The following SRGAP1 variants were observed in gnomAD, a reference collection of about 807,000 sequenced individuals.
The protein encoded by SRGAP1 is SLIT-ROBO Rho GTPase-activating protein 1.
SRGAP1 carries 43 observed loss-of-function variants against 121.9 expected under a neutral mutation model. That is an observed-to-expected ratio of 0.35 (90% CI 0.28 to 0.46). The LOEUF is 0.46. Among genes scored for constraint, SRGAP1 ranks in the 20% least tolerant of loss-of-function variants. The pLI is 1.00. For missense variants in SRGAP1, 1,102 were observed against 1,350.9 expected, an observed-to-expected ratio of 0.82 and a Z score of 2.89; for synonymous variants, 447 against 485.4, an observed-to-expected ratio of 0.92 and a Z score of 1.04.
At chr12:63,939,991 T>G (rs1426410010) in intron 1 of SRGAP1, among the ~76,000 whole-genome samples, 1 of 151,804 alleles carries the variant, frequency 6.6e-6, no homozygotes, top group Admixed American at 6.6e-5. Flanking sequence ...ACAGAGTCTC[T>G]CTCTCTGTCG....
At chr12:64,110,092 C>T (rs1179850156) in intron 16 of SRGAP1, among the ~76,000 whole-genome samples, 3 of 152,156 alleles carry the variant, frequency 2.0e-5, no homozygotes, top group African/African-American at 7.2e-5. Context: ...TATGGTTAGG[C>T]TAGACACTAT....
intron 1 of SRGAP1, among the ~76,000 whole-genome samples, chr12:63,965,893 A>G (rs903245454): frequency 6.6e-5 from 10 of 152,146 alleles, no homozygotes; most frequent in Non-Finnish European, 2.9e-5. Context: ...ATCTCAGCTC[A>G]CTGCAACCTC....
At chr12:64,120,266 A>G (rs1490148470) in intron 18 of SRGAP1, among the ~76,000 whole-genome samples, 1 of 151,856 alleles carries the variant, frequency 6.6e-6, no homozygotes, top group Non-Finnish European at 1.5e-5. Context: ...GTGTTTGTAA[A>G]TTTTGTACAG....
At chr12:63,984,319 C>G (rs1292406064) in intron 2 of SRGAP1, among the ~76,000 whole-genome samples, 177 bp downstream of exon 2, 1 of 152,118 alleles carries the variant, frequency 6.6e-6, no homozygotes, top group Non-Finnish European at 1.5e-5. Flanking sequence ...TCATTTTAAA[C>G]TAGTGTAATC....
chr12:63,867,634 T>A (rs1291074003), intron 1 of SRGAP1, among the ~76,000 whole-genome samples: 1 of 152,174 alleles, frequency 6.6e-6, no homozygotes, highest in African/African-American at 2.4e-5. Context: ...GATTAATGAT[T>A]AAATGAGATC....
chr12:63,891,264 G>A (rs1296205637), intron 1 of SRGAP1, among the ~76,000 whole-genome samples: 2 of 152,224 alleles, frequency 1.3e-5, no homozygotes, highest in Non-Finnish European at 2.9e-5. Flanking sequence ...CTGACATGGA[G>A]CAGTGCTCTG....
At chr12:63,849,491 A>G (rs944336469) in intron 1 of SRGAP1, among the ~76,000 whole-genome samples, 88 of 152,346 alleles carry the variant, frequency 5.8e-4, no homozygotes, top group African/African-American at 2.1e-3. Context: ...ATAGCACCAT[A>G]TTTATCTACA....
At chr12:63,871,626 T>G in intron 1 of SRGAP1, 1 of 547,644 alleles carries the variant, frequency 1.8e-6, no homozygotes, top group Non-Finnish European at 3.2e-6. Flanking sequence ...GGTTGGGAGT[T>G]TTTCTTTTTT....
At chr12:64,123,366 G>A (rs1161972283) in intron 18 of SRGAP1, among the ~76,000 whole-genome samples, 1 of 152,084 alleles carries the variant, frequency 6.6e-6, no homozygotes, top group Non-Finnish European at 1.5e-5. Flanking sequence ...AAACTAGCAT[G>A]TCTTCATTCT....
At chr12:64,026,903 T>C (rs1020916477) in intron 4 of SRGAP1, among the ~76,000 whole-genome samples, 1 of 151,896 alleles carries the variant, frequency 6.6e-6, no homozygotes, top group African/African-American at 2.4e-5. Context: ...AATCTCCTTA[T>C]TTTGGAAGAA....
chr12:64,062,126 A>G (rs370753294), intron 6 of SRGAP1, among the ~76,000 whole-genome samples: 4 of 152,272 alleles, frequency 2.6e-5, no homozygotes, highest in Middle Eastern at 3.4e-3. Context: ...TGACTCTACC[A>G]TTTTACATTC....
intron 15 of SRGAP1, among the ~76,000 whole-genome samples, chr12:64,106,222 G>A (rs535123152): frequency 7.2e-5 from 11 of 152,252 alleles, no homozygotes; most frequent in Middle Eastern, 3.4e-3. Flanking sequence ...TCAATAAACA[G>A]CGGGAGAAGT....
At chr12:64,089,572 A>G (rs2036009876) in intron 11 of SRGAP1, among the ~76,000 whole-genome samples, 1 of 152,210 alleles carries the variant, frequency 6.6e-6, no homozygotes. Flanking sequence ...GTAGGGTTAA[A>G]TGCTTTGGTG....
chr12:64,141,765 A>T (rs1435239047), intron 21 of SRGAP1, among the ~76,000 whole-genome samples: 1 of 152,138 alleles, frequency 6.6e-6, no homozygotes, highest in Admixed American at 6.6e-5. Context: ...CAACCTGGGC[A>T]ACTAGCAAGA....
chr12:63,874,273 G>C (rs563282714), intron 1 of SRGAP1, among the ~76,000 whole-genome samples: 2 of 151,514 alleles, frequency 1.3e-5, no homozygotes, highest in African/African-American at 2.4e-5. Context: ...GCACGATCTC[G>C]GCTCGCTGCA....
chr12:64,121,357 T>A (rs921242678), intron 18 of SRGAP1, among the ~76,000 whole-genome samples: 1 of 152,192 alleles, frequency 6.6e-6, no homozygotes, highest in Admixed American at 6.5e-5. Context: ...TGAACTTAAT[T>A]TACAAGACAT....
Position 64,150,026 on chromosome 12 carries a change from A to G in SRGAP1, c.*7354A>G, listed in dbSNP as rs2037100592. 2 of 152,194 alleles carry G rather than the reference A, an allele frequency of 1.3e-5. No homozygotes were observed. Among genetic ancestry groups the G allele is most frequent in the Admixed American group, 1.3e-4 (2 of 15,284 alleles). The allele number at this position is 152,194 out of a possible 1,614,324, so 9.4% of individuals were successfully genotyped here. On this transcript the variant is annotated 3_prime_UTR_variant, in exon 22 of 22. Coordinates refer to ENST00000355086, the MANE Select transcript of SRGAP1 (RefSeq NM_020762.4). ...TCAGTAGCCTTTTATCTGTTTCTAC[A>G]TAGTAAATAGAAAACTTGCCTTCTA...
At chr12:63,966,062 C>T (rs1962538) in intron 1 of SRGAP1, among the ~76,000 whole-genome samples, 62,928 of 152,042 alleles carry the variant, frequency 0.41, 13,328 homozygotes, top group South Asian at 0.52. Flanking sequence ...TCAAGTGATC[C>T]GCCTGCCTTG....
At chr12:64,061,131 T>A (rs573662523) in intron 6 of SRGAP1, among the ~76,000 whole-genome samples, 1 of 152,198 alleles carries the variant, frequency 6.6e-6, no homozygotes, top group African/African-American at 2.4e-5. Context: ...TCAAGTCATA[T>A]TCTCTTAAAA....
Sources: gnomAD v4.1 joint callset for allele counts (sites outside exome capture counted in the v4.1 genomes callset) on GRCh38, gnomAD v4.1.1 for gene constraint, MANE v1.5 for transcripts, NCBI Gene and HGNC (gene_info 2026-07-23, HGNC 2026-07-21) for gene names.